Variants in SCD5 observed in about 807,000 individuals in gnomAD.
The protein encoded by SCD5 is acyl-CoA-desaturase 4.
A neutral mutation model predicts 30.4 loss-of-function variants in SCD5; 20 were observed. That is an observed-to-expected ratio of 0.66 (90% confidence interval 0.46 to 0.96). The LOEUF (loss-of-function observed/expected upper bound fraction) is 0.96, where lower values mean the gene tolerates loss of function less well. Ranked by LOEUF, SCD5 falls within the 40% of genes least tolerant of loss-of-function variation. The pLI, the probability that SCD5 is intolerant of heterozygous loss-of-function variation, is 0.00. For missense variants in SCD5, 381 were observed against 443.3 expected, an observed-to-expected ratio of 0.86 and a Z score of 1.26; for synonymous variants, 173 against 176.4, an observed-to-expected ratio of 0.98 and a Z score of 0.16.
At chr4:82,756,377 A>C (rs577145798) in intron 1 of SCD5, among the ~76,000 whole-genome samples, 66 of 152,282 alleles carry the variant, frequency 4.3e-4, no homozygotes, top group African/African-American at 1.5e-3. Context: ...CTTGCTAGCC[A>C]TGTGCCATTC....
At chr4:82,651,236 C>T (rs1206994756) in intron 3 of SCD5, among the ~76,000 whole-genome samples, 1 of 152,124 alleles carries the variant, frequency 6.6e-6, no homozygotes, top group Non-Finnish European at 1.5e-5. Context: ...GAACTACTGA[C>T]CTTAGCTTCT....
intron 1 of SCD5, among the ~76,000 whole-genome samples, chr4:82,762,988 C>T (rs1008732670): frequency 2.0e-5 from 3 of 152,142 alleles, no homozygotes; most frequent in African/African-American, 7.2e-5. Flanking sequence ...CTCTGTAGGG[C>T]TCTCCATGCC....
intron 1 of SCD5, among the ~76,000 whole-genome samples, chr4:82,779,144 C>T (rs906548106): frequency 6.6e-6 from 1 of 152,156 alleles, no homozygotes; most frequent in Non-Finnish European, 1.5e-5. Context: ...GGATTACAGG[C>T]GTGAGTCACT....
intron 3 of SCD5, among the ~76,000 whole-genome samples, chr4:82,664,961 ATCTCTC>A (rs368839845): frequency 0.036 from 2,763 of 76,962 alleles, 59 homozygotes; most frequent in Middle Eastern, 0.069. Context: ...GCAAGACCCC[ATCTCTC>A]TCTCTCTCTC....
intron 2 of SCD5, among the ~76,000 whole-genome samples, chr4:82,703,977 T>A (rs190275062): frequency 4.0e-4 from 61 of 152,350 alleles, no homozygotes; most frequent in Non-Finnish European, 6.8e-4. Flanking sequence ...ACCAGGAAGC[T>A]GCCAACTGCT....
chr4:82,776,299 C>A (rs776684477), intron 1 of SCD5, among the ~76,000 whole-genome samples: 1 of 152,128 alleles, frequency 6.6e-6, no homozygotes, highest in Non-Finnish European at 1.5e-5. Flanking sequence ...GAATATTAAA[C>A]CTTAACTCTT....
intron 3 of SCD5, among the ~76,000 whole-genome samples, chr4:82,668,138 T>C (rs1728231481): frequency 6.6e-6 from 1 of 152,106 alleles, no homozygotes; most frequent in Non-Finnish European, 1.5e-5. Context: ...CATCATGGCA[T>C]TAAGAACACA....
intron 3 of SCD5, among the ~76,000 whole-genome samples, chr4:82,670,607 T>A (rs1728290701): frequency 1.3e-5 from 2 of 151,668 alleles, no homozygotes; most frequent in South Asian, 4.2e-4. Flanking sequence ...TAGTAACAAA[T>A]ATGGTAAATA....
intron 1 of SCD5, 24 bp from the exon 2 acceptor site, chr4:82,705,437 C>A (rs372190870): frequency 6.2e-7 from 1 of 1,613,700 alleles, no homozygotes; most frequent in Admixed American, 1.7e-5. Flanking sequence ...GCAGGGACAA[C>A]GTCAACAATG....
intron 1 of SCD5, among the ~76,000 whole-genome samples, chr4:82,737,002 G>T (rs1031913943): frequency 6.6e-6 from 1 of 151,714 alleles, no homozygotes; most frequent in Non-Finnish European, 1.5e-5. Flanking sequence ...AATTTTTAGG[G>T]TTTTTTTTCC....
chr4:82,728,976 A>G (rs569395807), intron 1 of SCD5, among the ~76,000 whole-genome samples: 23 of 152,248 alleles, frequency 1.5e-4, no homozygotes, highest in African/African-American at 5.1e-4. Flanking sequence ...AGAAGATGTG[A>G]TTTCTGACCT....
intron 2 of SCD5, among the ~76,000 whole-genome samples, chr4:82,700,534 G>A (rs1719806368): frequency 6.6e-6 from 1 of 152,038 alleles, no homozygotes; most frequent in African/African-American, 2.4e-5. Context: ...CAAGAAGAGA[G>A]TGAAATAAAA....
intron 1 of SCD5, among the ~76,000 whole-genome samples, chr4:82,781,815 T>C (rs1421244314): frequency 6.6e-6 from 1 of 152,166 alleles, no homozygotes; most frequent in Non-Finnish European, 1.5e-5. Context: ...TCCAGTATTA[T>C]GGAAAATGAA....
At chr4:82,742,553 G>A (rs1448899999) in intron 1 of SCD5, among the ~76,000 whole-genome samples, 5 of 152,350 alleles carry the variant, frequency 3.3e-5, no homozygotes, top group South Asian at 4.1e-4. Context: ...TTGGGAGGCC[G>A]AGGTGGGTGG....
intron 3 of SCD5, among the ~76,000 whole-genome samples, chr4:82,673,865 C>T (rs1728381330): frequency 6.6e-6 from 1 of 152,112 alleles, no homozygotes; most frequent in African/African-American, 2.4e-5. Flanking sequence ...ATATAGTCAA[C>T]TGATCTTTGA....
chr4:82,795,127 G>T (rs370428785), intron 1 of SCD5, among the ~76,000 whole-genome samples: 8 of 152,230 alleles, frequency 5.3e-5, no homozygotes, highest in African/African-American at 1.9e-4. Context: ...GCTCTTTCAC[G>T]GATGACATTT....
At chr4:82,665,051 T>TATACACAC (rs1296922624) in intron 3 of SCD5, among the ~76,000 whole-genome samples, 13 of 80,426 alleles carry the variant, frequency 1.6e-4, no homozygotes, top group South Asian at 9.0e-4. Context: ...CACACATATA[T>TATACACAC]ACACACACAC....
chr4:82,737,657 T>A (rs972254627), intron 1 of SCD5, among the ~76,000 whole-genome samples: 32 of 152,216 alleles, frequency 2.1e-4, no homozygotes, highest in African/African-American at 7.2e-4. Context: ...CAATGTTATA[T>A]CATGTGCTAC....
chr4:82,749,310 C>T (rs907683820), intron 1 of SCD5, among the ~76,000 whole-genome samples: 1 of 152,136 alleles, frequency 6.6e-6, no homozygotes, highest in Non-Finnish European at 1.5e-5. Flanking sequence ...AACACCAAAT[C>T]CCAGTCCGGG....
Sources: allele counts gnomAD v4.1 joint callset (sites outside exome capture counted in the v4.1 genomes callset), GRCh38; gene constraint gnomAD v4.1.1; transcripts MANE v1.5; gene names NCBI Gene and HGNC (gene_info 2026-07-23, HGNC 2026-07-21).